Variants in EYS observed in about 807,000 individuals in gnomAD.
EYS encodes the protein protein eyes shut homolog.
A neutral mutation model predicts 282.1 loss-of-function variants in EYS; 250 were observed. The observed-to-expected ratio is 0.89, with a 90% CI of 0.80 to 0.98. The LOEUF (loss-of-function observed/expected upper bound fraction) is 0.98, where lower values mean the gene tolerates loss of function less well. EYS is among the 50% of genes least tolerant of loss of function. The pLI, the probability that EYS is intolerant of heterozygous loss-of-function variation, is 0.00. For synonymous variants in EYS, 1,355 were observed against 1,282.9 expected, an observed-to-expected ratio of 1.06 and a Z score of -1.20; for missense variants, 4,016 against 3,709.0, an observed-to-expected ratio of 1.08 and a Z score of -2.15.
chr6:63,723,457 T>G (rs1299512836), intron 42 of EYS, among the ~76,000 whole-genome samples: 2 of 152,136 alleles, frequency 1.3e-5, no homozygotes, highest in Admixed American at 1.3e-4. Context: ...CTTTTCTTGC[T>G]CCTTGTGTTG....
intron 22 of EYS, among the ~76,000 whole-genome samples, chr6:64,708,956 G>A (rs1245033371): frequency 2.0e-5 from 3 of 152,062 alleles, no homozygotes; most frequent in Non-Finnish European, 4.4e-5. Context: ...TTGACATCGT[G>A]TTTAATTTGA....
intron 41 of EYS, among the ~76,000 whole-genome samples, chr6:63,740,907 A>T (rs758631647): frequency 6.6e-6 from 1 of 152,166 alleles, no homozygotes; most frequent in African/African-American, 2.4e-5. Flanking sequence ...TAGCTGCTCA[A>T]CGTTTCCTCT....
At chr6:65,577,324 A>C (rs1274329090) in intron 2 of EYS, among the ~76,000 whole-genome samples, 1 of 151,878 alleles carries the variant, frequency 6.6e-6, no homozygotes, top group Non-Finnish European at 1.5e-5. Context: ...CCAAGAACAC[A>C]GAATGAGGAA....
chr6:63,950,194 C>CA (rs563256139), intron 35 of EYS, among the ~76,000 whole-genome samples: 1,820 of 130,426 alleles, frequency 0.014, 9 homozygotes, highest in South Asian at 0.019. Context: ...CAAAACAAAA[C>CA]AAAAAAAAAA....
At chr6:64,839,997 T>TGTATAC (rs1359781829) in intron 19 of EYS, among the ~76,000 whole-genome samples, 8 of 152,166 alleles carry the variant, frequency 5.3e-5, no homozygotes, top group Middle Eastern at 3.4e-3. Flanking sequence ...CATATGGACA[T>TGTATAC]ATGCATACAT....
At chr6:64,771,733 C>A (rs924568151) in intron 22 of EYS, among the ~76,000 whole-genome samples, 3 of 151,702 alleles carry the variant, frequency 2.0e-5, no homozygotes, top group Non-Finnish European at 4.4e-5. Flanking sequence ...TAAAAGACTT[C>A]TGCCTTACAG....
chr6:64,634,851 G>A (rs1184740024), intron 22 of EYS, among the ~76,000 whole-genome samples: 1 of 152,064 alleles, frequency 6.6e-6, no homozygotes, highest in Non-Finnish European at 1.5e-5. Context: ...TTATTAAGGG[G>A]ACTATTTTTA....
At chr6:64,708,534 T>A (rs891523250) in intron 22 of EYS, among the ~76,000 whole-genome samples, 3 of 152,154 alleles carry the variant, frequency 2.0e-5, no homozygotes, top group Non-Finnish European at 4.4e-5. Context: ...TTTCTGCATG[T>A]CATGTGCCCA....
intron 8 of EYS, among the ~76,000 whole-genome samples, chr6:65,378,317 A>C (rs988721384): frequency 2.0e-5 from 3 of 152,202 alleles, no homozygotes; most frequent in African/African-American, 7.2e-5. Flanking sequence ...GAGAAATGCA[A>C]ATCAAAACTA....
chr6:63,951,595 C>G (rs1415771940), intron 35 of EYS, among the ~76,000 whole-genome samples: 1 of 152,110 alleles, frequency 6.6e-6, no homozygotes, highest in Admixed American at 6.5e-5. Flanking sequence ...CAGGCTGAAT[C>G]AGGCTCCAAT....
intron 30 of EYS, among the ~76,000 whole-genome samples, chr6:64,235,210 G>A (rs1313824560): frequency 2.0e-5 from 3 of 151,120 alleles, no homozygotes; most frequent in Non-Finnish European, 2.9e-5. Flanking sequence ...TTTAGCATTA[G>A]GTATATCTCC....
rs183850316 is a variant in EYS, at chr6:65,279,139, A to G, written c.2023+16724T>C. Among the ~76,000 whole-genome samples the G allele has an allele frequency of 8.5e-5, 13 of 152,240 alleles. No homozygotes were observed. The East Asian group carries it at 1.5e-3, about 18-fold the overall frequency. ...GGTAGTGGAGGTTGACAATGAGCCA[A>G]GATCACGCCACTGCACTTCACCCTG... On this transcript the variant is annotated intron_variant, in intron 12 of 42. Coordinates refer to ENST00000503581, the MANE Select transcript of EYS (RefSeq NM_001142800.2).
chr6:65,317,159 C>G (rs1413324571), intron 11 of EYS, among the ~76,000 whole-genome samples: 1 of 151,806 alleles, frequency 6.6e-6, no homozygotes, highest in Non-Finnish European at 1.5e-5. Context: ...TTTATTTTAC[C>G]TCAATTGTTG....
rs140901515 is a variant in EYS at position 65,640,670 on chromosome 6, C to A, written c.-447-778G>T. On this transcript the variant is annotated intron_variant, in intron 1 of 42. Coordinates refer to ENST00000503581, the MANE Select transcript of EYS (RefSeq NM_001142800.2). ...AGAATATCATTTTACTGTTTTCTGA[C>A]TTTTATTGCTGCTATTGACAAGTCA... Among the ~76,000 whole-genome samples the A allele has an allele frequency of 3.2e-4, 49 of 152,186 alleles. No individual in the cohort carries two copies. In the East Asian group the frequency reaches 9.3e-3, roughly 29 times the overall value.
At chr6:64,515,219 A>G (rs999040757) in intron 26 of EYS, among the ~76,000 whole-genome samples, 1 of 151,686 alleles carries the variant, frequency 6.6e-6, no homozygotes, top group Non-Finnish European at 1.5e-5. Context: ...TTTACATTTT[A>G]TATGGATTAA....
At chr6:64,784,551 C>G (rs1410109768) in intron 22 of EYS, among the ~76,000 whole-genome samples, 2 of 152,074 alleles carry the variant, frequency 1.3e-5, no homozygotes, top group Non-Finnish European at 2.9e-5. Flanking sequence ...TTGTTATGTC[C>G]TCTGAACCAG....
intron 12 of EYS, among the ~76,000 whole-genome samples, chr6:65,240,663 AT>A (rs948306658): frequency 3.3e-5 from 5 of 152,170 alleles, no homozygotes; most frequent in Non-Finnish European, 7.4e-5. Flanking sequence ...ATATCACCAC[AT>A]TTTTTTATCC....
At chr6:63,798,133 T>G (rs185273927) in intron 37 of EYS, 2 of 152,268 alleles carry the variant, frequency 1.3e-5, no homozygotes, top group Admixed American at 1.3e-4. Context: ...CATCCTTAAG[T>G]GTATATTCCC....
chr6:64,955,756 G>A (rs1255136995), intron 14 of EYS, among the ~76,000 whole-genome samples: 4 of 152,134 alleles, frequency 2.6e-5, no homozygotes, highest in African/African-American at 9.7e-5. Context: ...CGGGGGAGCG[G>A]GGGAACTTTA....
Sources: allele counts gnomAD v4.1 joint callset (sites outside exome capture counted in the v4.1 genomes callset), GRCh38; gene constraint gnomAD v4.1.1; transcripts MANE v1.5; gene names NCBI Gene and HGNC (gene_info 2026-07-23, HGNC 2026-07-21).